BLTP1: variants seen among roughly 807,000 people sequenced by gnomAD.
BLTP1 encodes fragile site-associated protein.
the BLTP1 span, chr4:122,226,427 G>T: frequency 1.7e-6 from 2 of 1,177,878 alleles, no homozygotes; most frequent in Non-Finnish European, 2.1e-6. Flanking sequence ...TTGAATAAAA[G>T]GATTTGCGTT....
chr4:122,180,387 C>G, the BLTP1 span, among the ~76,000 whole-genome samples: 2 of 152,124 alleles, frequency 1.3e-5, no homozygotes, highest in Admixed American at 1.3e-4. Flanking sequence ...TTAAGATAAT[C>G]TTTCAGAATG....
chr4:122,347,892 G>T, the BLTP1 span: 10 of 552,344 alleles, frequency 1.8e-5, no homozygotes, highest in Middle Eastern at 4.7e-4. Context: ...AGGTTTTTAT[G>T]ACACGTCAAA....
the BLTP1 span, among the ~76,000 whole-genome samples, chr4:122,158,243 C>T: frequency 6.6e-6 from 1 of 152,034 alleles, no homozygotes; most frequent in South Asian, 2.1e-4. Flanking sequence ...ATAAATGAAG[C>T]CCTATAACTA....
chr4:122,318,395 A>C, the BLTP1 span: 3 of 757,434 alleles, frequency 4.0e-6, no homozygotes, highest in Non-Finnish European at 6.6e-6. Flanking sequence ...TCCTAACAAC[A>C]AACTTAGGAG....
chr4:122,296,278 C>T, the BLTP1 span, among the ~76,000 whole-genome samples: 5 of 152,232 alleles, frequency 3.3e-5, no homozygotes, highest in South Asian at 6.2e-4. Flanking sequence ...CAATAACAGG[C>T]AAGAAGAGAC....
chr4:122,242,016 C>T, the BLTP1 span, among the ~76,000 whole-genome samples: 9 of 152,160 alleles, frequency 5.9e-5, no homozygotes, highest in South Asian at 4.2e-4. Context: ...AACACTTGTG[C>T]GCTGTTGGTG....
the BLTP1 span, chr4:122,261,504 A>C: frequency 1.0e-6 from 1 of 981,570 alleles, no homozygotes; most frequent in Non-Finnish European, 1.2e-6. Flanking sequence ...CATAGATGTG[A>C]CAGAAGATAG....
the BLTP1 span, chr4:122,257,128 A>T: frequency 1.0e-6 from 1 of 980,838 alleles, no homozygotes; most frequent in Non-Finnish European, 1.5e-6. Context: ...ATTACTTAAC[A>T]TCTAAGTTTT....
the BLTP1 span, among the ~76,000 whole-genome samples, chr4:122,283,079 C>T: frequency 6.6e-6 from 1 of 151,990 alleles, no homozygotes; most frequent in African/African-American, 2.4e-5. Flanking sequence ...ATTATTTTTC[C>T]TGTATGATGT....
At chr4:122,244,971 G>T in the BLTP1 span, 1 of 1,588,952 alleles carries the variant, frequency 6.3e-7, no homozygotes, top group Non-Finnish European at 8.6e-7. Context: ...AAACTAAGTT[G>T]TAGAATCAAC....
the BLTP1 span, chr4:122,169,719 G>A: frequency 3.0e-5 from 29 of 981,824 alleles, no homozygotes; most frequent in Non-Finnish European, 3.3e-5. Flanking sequence ...GCACACATAT[G>A]TGTATGCATA....
the BLTP1 span, among the ~76,000 whole-genome samples, chr4:122,297,220 A>G: frequency 6.6e-6 from 1 of 151,986 alleles, no homozygotes; most frequent in Non-Finnish European, 1.5e-5. Context: ...ACAAGAAAAA[A>G]AAGCTCATTA....
chr4:122,334,909 C>T, the BLTP1 span, among the ~76,000 whole-genome samples: 2 of 152,070 alleles, frequency 1.3e-5, no homozygotes, highest in African/African-American at 4.8e-5. Flanking sequence ...TATTACTTCT[C>T]TGTTGTATAA....
chr4:122,156,719 A>T, the BLTP1 span, among the ~76,000 whole-genome samples: 1 of 152,226 alleles, frequency 6.6e-6, no homozygotes, highest in Non-Finnish European at 1.5e-5. Context: ...GGATATAAGC[A>T]CATGTTTATT....
chr4:122,255,346 C>A, the BLTP1 span: 1 of 1,174,444 alleles, frequency 8.5e-7, no homozygotes, highest in Non-Finnish European at 1.3e-6. Context: ...ACCACTGATA[C>A]ACAGGGTTTG....
chr4:122,342,092 A>G, the BLTP1 span, among the ~76,000 whole-genome samples: 8 of 152,222 alleles, frequency 5.3e-5, no homozygotes, highest in Admixed American at 5.2e-4. Flanking sequence ...TCACACACAT[A>G]CTTTTAGAAT....
chr4:122,347,877 T>G, the BLTP1 span: 1 of 822,694 alleles, frequency 1.2e-6, no homozygotes. Flanking sequence ...GAAAATAAAT[T>G]CTTGAGGTTT....
the BLTP1 span, among the ~76,000 whole-genome samples, chr4:122,320,070 T>A: frequency 3.8e-4 from 58 of 152,320 alleles, no homozygotes; most frequent in African/African-American, 1.3e-3. Context: ...AAAGGGTTAT[T>A]GAGTCTCAAA....
the BLTP1 span, chr4:122,162,593 G>A: frequency 5.1e-6 from 5 of 985,132 alleles, no homozygotes; most frequent in African/African-American, 7.0e-5. Flanking sequence ...CTGTGGTGAC[G>A]AAAGTCCTCT....
Sources: gnomAD v4.1 joint callset for allele counts (sites outside exome capture counted in the v4.1 genomes callset) on GRCh38, gnomAD v4.1.1 for gene constraint, MANE v1.5 for transcripts, NCBI Gene and HGNC (gene_info 2026-07-23, HGNC 2026-07-21) for gene names.